Variants in DIP2B observed in about 807,000 individuals in gnomAD.
DIP2B encodes the protein disco-interacting protein 2 homolog B.
Under a neutral mutation model 198.0 loss-of-function variants are expected in DIP2B, and 76 were observed. That is an observed-to-expected ratio of 0.38 (90% CI 0.32 to 0.46). The LOEUF (loss-of-function observed/expected upper bound fraction) is 0.46, where lower values mean the gene tolerates loss of function less well. Among genes scored for constraint, DIP2B ranks in the 20% least tolerant of loss-of-function variants. DIP2B has a pLI of 0.99. For synonymous variants in DIP2B, 701 were observed against 739.1 expected, an observed-to-expected ratio of 0.95 and a Z score of 0.84; for missense variants, 1,559 against 1,978.4, an observed-to-expected ratio of 0.79 and a Z score of 4.02.
chr12:50,553,654 ATTC>A (rs1158474806), intron 1 of DIP2B, among the ~76,000 whole-genome samples: 2 of 151,864 alleles, frequency 1.3e-5, no homozygotes, highest in Non-Finnish European at 2.9e-5. Context: ...TTTTTCCTTT[ATTC>A]TTTTGTTTCG....
intron 1 of DIP2B, among the ~76,000 whole-genome samples, chr12:50,624,801 CA>C (rs909974326): frequency 2.7e-4 from 41 of 152,192 alleles, no homozygotes; most frequent in African/African-American, 7.7e-4. Context: ...TGGTTCCTGA[CA>C]ACTCATTCTC....
intron 19 of DIP2B, 23 bp downstream of exon 19, chr12:50,699,225 A>T: frequency 6.2e-7 from 1 of 1,613,666 alleles, no homozygotes; most frequent in Non-Finnish European, 8.5e-7. Flanking sequence ...AACATTTCAC[A>T]GGGAAAATGT....
intron 3 of DIP2B, among the ~76,000 whole-genome samples, chr12:50,659,775 G>C (rs573952721): frequency 6.6e-6 from 1 of 152,208 alleles, no homozygotes; most frequent in African/African-American, 2.4e-5. Flanking sequence ...TTTTCTTTCA[G>C]TTAAGAAAAT....
chr12:50,515,238 C>T (rs1367468103), intron 1 of DIP2B, among the ~76,000 whole-genome samples: 1 of 147,728 alleles, frequency 6.8e-6, no homozygotes, highest in Non-Finnish European at 1.5e-5. Flanking sequence ...ACACTGTGGA[C>T]CTTTTTTTTT....
intron 1 of DIP2B, among the ~76,000 whole-genome samples, chr12:50,620,565 C>T (rs1358773304): frequency 6.6e-6 from 1 of 152,130 alleles, no homozygotes; most frequent in East Asian, 1.9e-4. Flanking sequence ...TCCTGCCAAG[C>T]GCTGCAGGCA....
At chr12:50,527,371 G>C (rs1283739476) in intron 1 of DIP2B, among the ~76,000 whole-genome samples, 1 of 152,106 alleles carries the variant, frequency 6.6e-6, no homozygotes, top group Non-Finnish European at 1.5e-5. Context: ...CTATATCTAA[G>C]GTACTGTTCA....
intron 1 of DIP2B, among the ~76,000 whole-genome samples, chr12:50,569,482 TC>T (rs1210541236): frequency 6.6e-6 from 1 of 152,242 alleles, no homozygotes. Flanking sequence ...GCATGTTAAT[TC>T]CACCATCCTG....
chr12:50,589,226 T>C (rs1346719233), intron 1 of DIP2B, among the ~76,000 whole-genome samples: 3 of 149,280 alleles, frequency 2.0e-5, no homozygotes, highest in Non-Finnish European at 4.4e-5. Flanking sequence ...TAAATAAAAT[T>C]TGTTTGTCTT....
At chr12:50,602,857 CA>C (rs71086464) in intron 1 of DIP2B, among the ~76,000 whole-genome samples, 8,498 of 90,738 alleles carry the variant, frequency 0.094, 496 homozygotes, top group East Asian at 0.3. Context: ...GACTCTGTCT[CA>C]AAAAAAAAAA....
At chr12:50,553,570 C>T (rs1303374619) in intron 1 of DIP2B, among the ~76,000 whole-genome samples, 1 of 152,204 alleles carries the variant, frequency 6.6e-6, no homozygotes, top group Non-Finnish European at 1.5e-5. Context: ...TTTGTCTAAA[C>T]AGGAATGTGA....
intron 16 of DIP2B, 93 bp from the exon 17 acceptor site, chr12:50,696,968 A>C (rs540583716): frequency 1.1e-6 from 1 of 912,386 alleles, no homozygotes; most frequent in South Asian, 1.7e-5. Flanking sequence ...TTCTCATGAG[A>C]AATAAGTATG....
intron 1 of DIP2B, among the ~76,000 whole-genome samples, chr12:50,535,205 C>G (rs958575949): frequency 3.9e-5 from 6 of 152,004 alleles, no homozygotes; most frequent in Non-Finnish European, 7.4e-5. Context: ...GCACTCCAGC[C>G]TGTGAGACAG....
chr12:50,702,379 C>G (rs190861878), intron 19 of DIP2B, among the ~76,000 whole-genome samples: 22 of 151,268 alleles, frequency 1.5e-4, no homozygotes, highest in African/African-American at 5.1e-4. Flanking sequence ...GCCTGGCCAA[C>G]ATGGTGAAAC....
At chr12:50,675,640 G>A (rs1938933362) in intron 7 of DIP2B, among the ~76,000 whole-genome samples, 192 bp downstream of exon 7, 1 of 152,084 alleles carries the variant, frequency 6.6e-6, no homozygotes, top group African/African-American at 2.4e-5. Context: ...AAGGAGGGAA[G>A]GAAGAAGAGG....
chr12:50,541,122 A>G (rs1039002596), intron 1 of DIP2B, among the ~76,000 whole-genome samples: 1 of 152,200 alleles, frequency 6.6e-6, no homozygotes, highest in Non-Finnish European at 1.5e-5. Flanking sequence ...TTGCATTAAT[A>G]AATGTAGAAA....
chr12:50,667,347 G>A (rs537387536), intron 4 of DIP2B, among the ~76,000 whole-genome samples: 1 of 152,250 alleles, frequency 6.6e-6, no homozygotes, highest in East Asian at 1.9e-4. Context: ...TAGGGAAGAT[G>A]TTTTATTTAT....
intron 1 of DIP2B, among the ~76,000 whole-genome samples, chr12:50,594,654 A>G (rs142402759): frequency 2.2e-3 from 341 of 152,358 alleles, no homozygotes; most frequent in African/African-American, 7.6e-3. Flanking sequence ...AGCAGCTTAC[A>G]TGATCAGATT....
intron 12 of DIP2B, among the ~76,000 whole-genome samples, chr12:50,688,935 T>G (rs1469785089): frequency 1.3e-5 from 2 of 152,196 alleles, no homozygotes; most frequent in South Asian, 4.1e-4. Context: ...GTGCCTGTTA[T>G]TTTGAATTAA....
intron 1 of DIP2B, among the ~76,000 whole-genome samples, chr12:50,558,995 A>G (rs181156534): frequency 6.6e-6 from 1 of 152,324 alleles, no homozygotes; most frequent in East Asian, 1.9e-4. Context: ...TGCAAGGGGA[A>G]AATAGAGAGT....
Sources: gnomAD v4.1 joint callset for allele counts (sites outside exome capture counted in the v4.1 genomes callset) on GRCh38, gnomAD v4.1.1 for gene constraint, MANE v1.5 for transcripts, NCBI Gene and HGNC (gene_info 2026-07-23, HGNC 2026-07-21) for gene names.